Variants in MLIP observed in about 807,000 individuals in gnomAD.
MLIP encodes muscular LMNA interacting protein, also known as muscular LMNA-interacting protein.
MLIP carries 79 observed loss-of-function variants against 84.8 expected under a neutral mutation model. That is an observed-to-expected ratio of 0.93 (90% confidence interval 0.78 to 1.12). MLIP has a LOEUF of 1.12. Among genes scored for constraint, MLIP ranks in the 50% most tolerant of loss-of-function variants. The probability of loss-of-function intolerance (pLI) is 0.00; values close to 1 mark genes in which losing one functional copy is unlikely to be tolerated. For missense variants in MLIP, 1,257 were observed against 1,160.6 expected (o/e 1.08, Z -1.21); for synonymous variants, 504 against 463.0 (o/e 1.09, Z -1.14).
chr6:54,086,741 C>T (rs1767520507), intron 1 of MLIP, among the ~76,000 whole-genome samples: 1 of 152,136 alleles, frequency 6.6e-6, no homozygotes, highest in Non-Finnish European at 1.5e-5. Flanking sequence ...TGTCAGATAG[C>T]CTCCTACCTT....
At position 54,192,604 on chromosome 6, in the gene MLIP, CA is replaced by C. The variant is rs557914207; in HGVS notation, c.2589+2694del. 2.1e-3 allele frequency among the ~76,000 whole-genome samples: 319 copies of C among 151,606 alleles called. 3 individuals are homozygous for C. The highest frequency in any genetic ancestry group is 0.01 in the Middle Eastern group (3 of 286). On this transcript the variant is annotated intron_variant, in intron 10 of 13. Transcript: ENST00000502396. ...AGTAAATAAGAATGTCTTTGATAAA[CA>C]AAACTTTGATATATATATTTATATT...
At chr6:54,257,727 A>C (rs1419077422) in intron 13 of MLIP, among the ~76,000 whole-genome samples, 1 of 152,072 alleles carries the variant, frequency 6.6e-6, no homozygotes, top group Admixed American at 6.6e-5. Context: ...TTTCAGGGTC[A>C]GAGTCACAGT....
chr6:54,138,359 G>T, intron 4 of MLIP, 73 bp downstream of exon 4: 1 of 1,443,834 alleles, frequency 6.9e-7, no homozygotes, highest in South Asian at 1.5e-5. Context: ...CCCCAAGGCA[G>T]AAATCAATAA....
In MLIP at chr6:54,138,262, A is replaced by T; in HGVS notation, c.2193A>T (p.Thr731=). Residue 731 remains threonine (T), a synonymous_variant, in exon 4 of 14, where the codon ACA becomes ACT. Coordinates refer to ENST00000502396, the MANE Select transcript of MLIP (RefSeq NM_001281747.2). ...LISPCALSMS[T]GPENKKSKQY... ...CACCTTGTGCATTGTCCATGTCAAC[A>T]GGCCCAGAAAATAAGAAATCAAAGG... 1.3e-6 allele frequency: 2 copies of T among 1,534,110 alleles called. No individual in the cohort carries two copies. The highest frequency in any genetic ancestry group is 1.7e-6 in the Non-Finnish European group (2 of 1,145,232).
intron 12 of MLIP, among the ~76,000 whole-genome samples, chr6:54,236,534 G>A (rs149749244): frequency 7.2e-5 from 11 of 152,212 alleles, no homozygotes; most frequent in Non-Finnish European, 1.3e-4. Flanking sequence ...CCCCGGAGGC[G>A]GAGGTTGCAG....
chr6:54,193,953 GA>G (rs963368246), intron 10 of MLIP, among the ~76,000 whole-genome samples: 26 of 152,216 alleles, frequency 1.7e-4, no homozygotes, highest in African/African-American at 5.3e-4. Flanking sequence ...GGCAGTAGGG[GA>G]GCCTGGTTTA....
At chr6:54,102,430 TG>T (rs1405810160) in intron 1 of MLIP, among the ~76,000 whole-genome samples, 1 of 152,090 alleles carries the variant, frequency 6.6e-6, no homozygotes, top group Non-Finnish European at 1.5e-5. Context: ...AGACCAGAGA[TG>T]CTTTTCTCAT....
intron 10 of MLIP, among the ~76,000 whole-genome samples, chr6:54,191,163 C>A (rs1202707956): frequency 6.6e-6 from 1 of 152,096 alleles, no homozygotes; most frequent in Non-Finnish European, 1.5e-5. Flanking sequence ...TAGATATCTT[C>A]ACTAAAATGA....
rs116435864 is a variant in MLIP at position 54,162,469 on chromosome 6, G to T, written c.2499+1670G>T. Among the ~76,000 whole-genome samples the T allele has an allele frequency of 8.2e-3, 1,244 of 152,012 alleles. 17 individuals carry two copies. The highest frequency in any genetic ancestry group is 0.028 in the African/African-American group (1,157 of 41,508). On this transcript the variant is annotated intron_variant, in intron 8 of 13. Coordinates refer to ENST00000502396, the MANE Select transcript of MLIP (RefSeq NM_001281747.2). ...TGAAGCTTGGATTCCAAAGAAAATG[G>T]GGAGACATAGAACCATGGTGGGAAT... is the stretch of plus-strand genomic sequence containing the variant.
At chr6:54,209,203 G>A (rs942779790) in intron 11 of MLIP, among the ~76,000 whole-genome samples, 2 of 152,148 alleles carry the variant, frequency 1.3e-5, no homozygotes, top group African/African-American at 4.8e-5. Context: ...GTTTGAAGAT[G>A]AGTTACATGA....
chr6:54,119,069 G>A (rs1770207277), intron 1 of MLIP, among the ~76,000 whole-genome samples: 1 of 44,094 alleles, frequency 2.3e-5, no homozygotes, highest in Non-Finnish European at 4.6e-5. Context: ...TGTAAGAAAA[G>A]GGAACACTTA....
At chr6:54,230,018 C>A (rs934907130) in intron 11 of MLIP, among the ~76,000 whole-genome samples, 1 of 152,186 alleles carries the variant, frequency 6.6e-6, no homozygotes, top group Non-Finnish European at 1.5e-5. Flanking sequence ...TTCCTCAAAG[C>A]CACTCATCGT....
At chr6:54,091,632 G>C (rs1042737679) in intron 1 of MLIP, among the ~76,000 whole-genome samples, 10 of 152,204 alleles carry the variant, frequency 6.6e-5, no homozygotes, top group Non-Finnish European at 1.3e-4. Context: ...ATTACTGCCA[G>C]GTAAATCTAG....
At position 54,137,661 on chromosome 6, in the gene MLIP, T is replaced by G. The variant is rs1423597485; in HGVS notation, c.1592T>G (p.Leu531Trp). 1 of 1,536,104 alleles carries G rather than the reference T, an allele frequency of 6.5e-7. No individual in the cohort carries two copies. The highest frequency in any genetic ancestry group is 1.2e-5 in the South Asian group (1 of 84,066). ...MNVERTPSPT[L>W]KSNTMLSLLQ... ...GTAGAGAGAACACCATCACCTACTT[T>G]GAAGAGCAATACCATGCTCTCCCTG... Residue 531 changes from leucine (L) to tryptophan (W), a missense_variant, in exon 4 of 14, where the codon TTG becomes TGG. Coordinates refer to ENST00000502396, the MANE Select transcript of MLIP (RefSeq NM_001281747.2).
intron 8 of MLIP, 110 bp from the exon 9 acceptor site, chr6:54,169,418 C>A: frequency 1.8e-6 from 1 of 569,140 alleles, no homozygotes; most frequent in Non-Finnish European, 2.9e-6. Context: ...ATAGAGAGAG[C>A]AATGTTTAGA....
chr6:54,211,226 G>A (rs893451559), intron 11 of MLIP, among the ~76,000 whole-genome samples: 25 of 152,158 alleles, frequency 1.6e-4, no homozygotes, highest in Non-Finnish European at 2.8e-4. Context: ...ACTCTGTACC[G>A]AAAAATAAAA....
rs535688162 is a variant in MLIP, at chr6:54,199,464, T to C, written c.2590-2641T>C. Among the ~76,000 whole-genome samples, 115 of 152,114 alleles carry C rather than the reference T, an allele frequency of 7.6e-4. 3 individuals are homozygous for C. Among genetic ancestry groups the C allele is most frequent in the Admixed American group, 3.1e-3 (48 of 15,254 alleles). On this transcript the variant is annotated intron_variant, in intron 10 of 13. Coordinates refer to ENST00000502396, the MANE Select transcript of MLIP (RefSeq NM_001281747.2). Reference sequence around the variant, plus strand: ...TATAGAATCTGTGTCTATGAGACAATGACAATGTTATTAGCTGCAATGGGT... The same window carrying C: ...TATAGAATCTGTGTCTATGAGACAACGACAATGTTATTAGCTGCAATGGGT...
At position 54,137,369 on chromosome 6, in the gene MLIP, G is replaced by C; in HGVS notation, c.1300G>C (p.Ala434Pro). The C allele has an allele frequency of 6.5e-7, 1 of 1,535,828 alleles. No individual in the cohort carries two copies. The highest frequency in any genetic ancestry group is 8.7e-7 in the Non-Finnish European group (1 of 1,146,840). ...NPSHQRPFSP[A>P]SCPTFSLNSP... Reference sequence around the variant, plus strand: ...TTCCCACCAAAGACCCTTTTCCCCTGCATCCTGTCCCACCTTCTCTCTCAA... The same window carrying C: ...TTCCCACCAAAGACCCTTTTCCCCTCCATCCTGTCCCACCTTCTCTCTCAA... Residue 434 changes from alanine (A) to proline (P), a missense_variant, in exon 4 of 14, where the codon GCA (alanine) becomes CCA (proline). Physicochemically the swap from Ala to Pro is conservative, Grantham distance 27 (BLOSUM62 -1). Coordinates refer to ENST00000502396, the MANE Select transcript of MLIP (RefSeq NM_001281747.2).
At chr6:54,071,115 G>T (rs1434719840) in intron 1 of MLIP, among the ~76,000 whole-genome samples, 2 of 151,988 alleles carry the variant, frequency 1.3e-5, no homozygotes, top group Non-Finnish European at 2.9e-5. Flanking sequence ...ATAGGTATTT[G>T]CATTTTTAAA....
Sources: gnomAD v4.1 joint callset for allele counts (sites outside exome capture counted in the v4.1 genomes callset) on GRCh38, gnomAD v4.1.1 for gene constraint, MANE v1.5 for transcripts, NCBI Gene and HGNC (gene_info 2026-07-23, HGNC 2026-07-21) for gene names.